The following NFATC2 variants were observed in gnomAD, a reference collection of about 807,000 sequenced individuals.
The protein encoded by NFATC2 is nuclear factor of activated T cells 2.
NFATC2 carries 22 observed loss-of-function variants against 87.3 expected under a neutral mutation model. That is an observed-to-expected ratio of 0.25 (90% CI 0.18 to 0.36). The LOEUF (loss-of-function observed/expected upper bound fraction) is 0.36. Among genes scored for constraint, NFATC2 ranks in the 10% least tolerant of loss-of-function variants. NFATC2 has a pLI of 1.00. For synonymous variants in NFATC2, 565 were observed against 542.2 expected (o/e 1.04, Z -0.58); for missense variants, 1,149 against 1,259.1 (o/e 0.91, Z 1.32).
At chr20:51,464,617 C>T (rs1390229950) in intron 5 of NFATC2, among the ~76,000 whole-genome samples, 2 of 147,196 alleles carry the variant, frequency 1.4e-5, no homozygotes, top group Non-Finnish European at 3.0e-5. Context: ...CAGTTTCATC[C>T]AAGATTTACC....
intron 6 of NFATC2, among the ~76,000 whole-genome samples, chr20:51,439,957 C>T (rs1984088884): frequency 6.6e-6 from 1 of 152,168 alleles, no homozygotes; most frequent in Non-Finnish European, 1.5e-5. Flanking sequence ...ATGTTCAGGG[C>T]CGGGCAAAGT....
At chr20:51,481,110 G>A (rs958556278) in intron 3 of NFATC2, among the ~76,000 whole-genome samples, 1 of 152,166 alleles carries the variant, frequency 6.6e-6, no homozygotes, top group African/African-American at 2.4e-5. Context: ...GGTACAGAAT[G>A]TGCCCAGAAT....
At chr20:51,406,472 G>A (rs567826868) in intron 9 of NFATC2, among the ~76,000 whole-genome samples, 4 of 152,268 alleles carry the variant, frequency 2.6e-5, no homozygotes, top group African/African-American at 7.2e-5. Flanking sequence ...TGGCCCCCTC[G>A]GGACCACTAT....
chr20:51,396,075 TATATATATATATATATATAA>T (rs1987077055), intron 10 of NFATC2, among the ~76,000 whole-genome samples: 2 of 42,728 alleles, frequency 4.7e-5, no homozygotes, highest in Admixed American at 2.2e-4. Flanking sequence ...TATATATATA[TATATATATATATATATATAA>T]GCTAATGGCA....
rs192822506 is a variant in NFATC2, at chr20:51,556,042, G to A, written c.70+6518C>T. On this transcript the variant is annotated intron_variant, in intron 1 of 10. Coordinates refer to the NFATC2 transcript ENST00000414705. The stretch of plus-strand genomic sequence containing the variant: ...GTCCAGGCTAATGACAGCTGTCCCC[G>A]TGAGAAGAGGAATCAACGCACATGC... Among the ~76,000 whole-genome samples, 460 of 152,304 alleles carry A rather than the reference G, an allele frequency of 3.0e-3. 2 individuals are homozygous for A. The highest frequency in any genetic ancestry group is 8.3e-3 in the African/African-American group (345 of 41,554).
chr20:51,408,428 C>G, intron 9 of NFATC2, among the ~76,000 whole-genome samples: 1 of 148,934 alleles, frequency 6.7e-6, no homozygotes, highest in African/African-American at 2.6e-5. Flanking sequence ...GCAGGAGAAT[C>G]CCATGAACCC....
chr20:51,418,557 C>G (rs942640589), intron 9 of NFATC2, among the ~76,000 whole-genome samples: 1 of 151,964 alleles, frequency 6.6e-6, no homozygotes, highest in African/African-American at 2.4e-5. Context: ...CTGGACTGAC[C>G]GTTAGGAGAG....
intron 5 of NFATC2, among the ~76,000 whole-genome samples, chr20:51,470,008 C>A (rs966641521): frequency 6.6e-6 from 1 of 152,234 alleles, no homozygotes; most frequent in Non-Finnish European, 1.5e-5. Context: ...GGAGTTGAAG[C>A]TGACAACACC....
chr20:51,431,290 G>A (rs2146335611), intron 9 of NFATC2, among the ~76,000 whole-genome samples: 1 of 152,188 alleles, frequency 6.6e-6, no homozygotes, highest in East Asian at 1.9e-4. Flanking sequence ...TGCACCTTGC[G>A]GCTCCCAGGT....
chr20:51,540,507 T>C (rs1464741081), intron 1 of NFATC2, among the ~76,000 whole-genome samples: 1 of 152,164 alleles, frequency 6.6e-6, no homozygotes, highest in East Asian at 1.9e-4. Flanking sequence ...TGTGTCAATA[T>C]TGGTTTGTTG....
intron 5 of NFATC2, among the ~76,000 whole-genome samples, chr20:51,470,716 C>T (rs1175083367): frequency 1.3e-5 from 2 of 152,202 alleles, no homozygotes; most frequent in South Asian, 2.1e-4. Context: ...ACTCTGCCAG[C>T]GCGTGTTACG....
At chr20:51,518,871 G>A (rs1216110311) in intron 2 of NFATC2, among the ~76,000 whole-genome samples, 2 of 152,034 alleles carry the variant, frequency 1.3e-5, no homozygotes, top group Non-Finnish European at 2.9e-5. Context: ...TGCAATCATA[G>A]CTCACTGTAG....
chr20:51,398,922 A>C, intron 9 of NFATC2, 192 bp from the exon 10 acceptor site: 1 of 573,944 alleles, frequency 1.7e-6, no homozygotes, highest in Non-Finnish European at 3.1e-6. Context: ...GGTAATAATC[A>C]TGGAGATGAG....
intron 6 of NFATC2, among the ~76,000 whole-genome samples, chr20:51,439,836 T>C (rs540618107): frequency 2.0e-5 from 3 of 152,300 alleles, no homozygotes; most frequent in Admixed American, 1.3e-4. Flanking sequence ...TATGGCACGA[T>C]CTCTCTCCCT....
intron 1 of NFATC2, among the ~76,000 whole-genome samples, chr20:51,538,481 C>G (rs1259490063): frequency 1.3e-5 from 2 of 152,078 alleles, no homozygotes; most frequent in Admixed American, 6.5e-5. Context: ...GCAAGGATGC[C>G]CACTGTCTTC....
chr20:51,474,654 C>T (rs73271827), intron 4 of NFATC2, among the ~76,000 whole-genome samples: 20,108 of 152,188 alleles, frequency 0.13, 1,529 homozygotes, highest in African/African-American at 0.21. Flanking sequence ...AGCATGTTAA[C>T]GCCTGGGAAA....
rs896240791 is a variant in NFATC2 at position 51,389,869 on chromosome 20, AGACTGGACT to A, written c.*1618_*1626del. 2 of 152,100 alleles carry A rather than the reference AGACTGGACT, an allele frequency of 1.3e-5. No homozygotes were observed. The highest frequency in any genetic ancestry group is 2.9e-5 in the Non-Finnish European group (2 of 68,036). The allele number at this position is 152,100 out of a possible 1,614,324, so 9.4% of individuals were successfully genotyped here. ...GAGGCCTTCTGCCTACAGACTGTAC[AGACTGGACT>A]GAGAAAACACTCTAAGTACAGTCTG... On this transcript the variant is annotated 3_prime_UTR_variant, in exon 11 of 11. Coordinates refer to ENST00000371564, the MANE Select transcript of NFATC2 (RefSeq NM_012340.5).
At chr20:51,448,831 C>T (rs1227183408) in intron 6 of NFATC2, among the ~76,000 whole-genome samples, 1 of 152,120 alleles carries the variant, frequency 6.6e-6, no homozygotes, top group South Asian at 2.1e-4. Flanking sequence ...ATCACACAGG[C>T]TCTTGAAAGT....
chr20:51,472,473 A>G (rs1028214254), intron 5 of NFATC2, among the ~76,000 whole-genome samples: 2 of 152,018 alleles, frequency 1.3e-5, no homozygotes, highest in African/African-American at 4.8e-5. Context: ...GTTATGGTAA[A>G]ATGTCCAGCA....
Sources: gnomAD v4.1 joint callset for allele counts (sites outside exome capture counted in the v4.1 genomes callset) on GRCh38, gnomAD v4.1.1 for gene constraint, MANE v1.5 for transcripts, NCBI Gene and HGNC (gene_info 2026-07-23, HGNC 2026-07-21) for gene names.